NRXN3: variants seen among roughly 807,000 people sequenced by gnomAD.
NRXN3 encodes neurexin 3.
In NRXN3, 32 loss-of-function variants were observed where a neutral mutation model predicts 137.6. The observed-to-expected ratio is 0.23, with a 90% CI of 0.18 to 0.31. NRXN3 has a LOEUF of 0.31. Ranked by LOEUF, NRXN3 falls within the 10% of genes least tolerant of loss-of-function variation. The pLI, the probability that NRXN3 is intolerant of heterozygous loss-of-function variation, is 1.00. For synonymous variants in NRXN3, 798 were observed against 784.5 expected, an observed-to-expected ratio of 1.02 and a Z score of -0.29; for missense variants, 1,574 against 2,062.5, an observed-to-expected ratio of 0.76 and a Z score of 4.59.
chr14:78,368,108 G>A (rs1022383985), intron 4 of NRXN3, among the ~76,000 whole-genome samples: 38 of 152,160 alleles, frequency 2.5e-4, no homozygotes, highest in Admixed American at 1.5e-3. Context: ...GAAAACTACC[G>A]TTTAAAATGC....
chr14:79,795,629 A>G (rs1013753000), intron 19 of NRXN3, among the ~76,000 whole-genome samples: 5 of 152,216 alleles, frequency 3.3e-5, no homozygotes, highest in African/African-American at 1.2e-4. Context: ...GTCCAGTTTC[A>G]AATACCAAAA....
chr14:79,046,730 G>C (rs1053159673), intron 15 of NRXN3, among the ~76,000 whole-genome samples: 3 of 152,166 alleles, frequency 2.0e-5, no homozygotes, highest in Non-Finnish European at 4.4e-5. Flanking sequence ...AAACCTGATA[G>C]TATGTACTAA....
intron 16 of NRXN3, among the ~76,000 whole-genome samples, chr14:79,492,194 T>G (rs1338163827): frequency 6.6e-6 from 1 of 152,168 alleles, no homozygotes; most frequent in African/African-American, 2.4e-5. Flanking sequence ...TAATTAAAAT[T>G]GAAGTTTAAA....
At chr14:78,481,946 A>C (rs2095480193) in intron 4 of NRXN3, among the ~76,000 whole-genome samples, 1 of 152,180 alleles carries the variant, frequency 6.6e-6, no homozygotes, top group South Asian at 2.1e-4. Context: ...CAAGAGCCTG[A>C]ATCACTTGAG....
chr14:78,285,659 C>T (rs2075072875), intron 3 of NRXN3, among the ~76,000 whole-genome samples: 1 of 152,196 alleles, frequency 6.6e-6, no homozygotes. Context: ...CACAGAAAAA[C>T]ACTTCCTGAA....
intron 8 of NRXN3, among the ~76,000 whole-genome samples, chr14:78,751,138 T>A (rs2098639669): frequency 6.6e-6 from 1 of 152,090 alleles, no homozygotes; most frequent in Non-Finnish European, 1.5e-5. Context: ...TTCCCCCCAC[T>A]ATATTCTTTA....
intron 10 of NRXN3, among the ~76,000 whole-genome samples, chr14:78,836,541 G>C (rs574304385): frequency 2.0e-5 from 3 of 152,150 alleles, no homozygotes; most frequent in African/African-American, 7.2e-5. Flanking sequence ...GATGTAGCTC[G>C]TCTGTGGACC....
intron 19 of NRXN3, among the ~76,000 whole-genome samples, chr14:79,726,201 G>T (rs999970905): frequency 2.6e-5 from 4 of 152,128 alleles, no homozygotes. Context: ...TGAAAAGTCA[G>T]TCATGTGACT....
chr14:78,353,655 G>A (rs2083872818), intron 4 of NRXN3, among the ~76,000 whole-genome samples: 1 of 152,158 alleles, frequency 6.6e-6, no homozygotes, highest in Non-Finnish European at 1.5e-5. Context: ...CATTTTAAAT[G>A]TATATCCCTT....
intron 16 of NRXN3, among the ~76,000 whole-genome samples, chr14:79,630,523 G>A (rs574219449): frequency 6.6e-6 from 1 of 152,332 alleles, no homozygotes; most frequent in South Asian, 2.1e-4. Context: ...CTTGAATTAG[G>A]TGAAGACTGA....
chr14:78,937,947 T>C (rs2099345314), intron 10 of NRXN3, among the ~76,000 whole-genome samples: 2 of 152,232 alleles, frequency 1.3e-5, no homozygotes, highest in Non-Finnish European at 2.9e-5. Flanking sequence ...AAGGAATGTG[T>C]GTTTAACATT....
In NRXN3 at chr14:78,774,289, A is replaced by G. The variant is rs1190693738; in HGVS notation, c.2045-29331A>G. On this transcript the variant is annotated intron_variant, in intron 8 of 20. Transcript: ENST00000335750. ...AGTAAATTTTAAGTGGCTGCATAAT[A>G]ATTTATTGTGTATTCACTAATAATA... Among the ~76,000 whole-genome samples, 9 of 152,308 alleles carry G rather than the reference A, an allele frequency of 5.9e-5. No homozygotes were observed. The East Asian group carries it at 1.5e-3, about 26-fold the overall frequency.
At chr14:79,203,563 A>C (rs1466952037) in intron 15 of NRXN3, among the ~76,000 whole-genome samples, 1 of 152,218 alleles carries the variant, frequency 6.6e-6, no homozygotes, top group Non-Finnish European at 1.5e-5. Flanking sequence ...TAGCATGTTT[A>C]TGTCAAGATT....
intron 6 of NRXN3, among the ~76,000 whole-genome samples, chr14:78,681,077 C>T (rs1242836224): frequency 6.6e-6 from 1 of 152,212 alleles, no homozygotes; most frequent in African/African-American, 2.4e-5. Context: ...GATAGAGACA[C>T]TCCATTTGGG....
intron 19 of NRXN3, among the ~76,000 whole-genome samples, chr14:79,804,381 C>A (rs2099195037): frequency 6.6e-6 from 1 of 151,976 alleles, no homozygotes; most frequent in South Asian, 2.1e-4. Flanking sequence ...TAATAGATTC[C>A]CTGGGACTGG....
chr14:79,102,173 A>G (rs2051451591), intron 15 of NRXN3, among the ~76,000 whole-genome samples: 1 of 152,152 alleles, frequency 6.6e-6, no homozygotes, highest in South Asian at 2.1e-4. Context: ...GGCAAACCCT[A>G]GGAATATAAT....
At chr14:79,535,953 TG>T (rs2097207451) in intron 16 of NRXN3, among the ~76,000 whole-genome samples, 1 of 152,146 alleles carries the variant, frequency 6.6e-6, no homozygotes, top group Non-Finnish European at 1.5e-5. Flanking sequence ...GAGAGCCCAG[TG>T]GGATTATAGG....
chr14:79,521,429 G>A (rs2097063300), intron 16 of NRXN3, among the ~76,000 whole-genome samples: 2 of 152,044 alleles, frequency 1.3e-5, no homozygotes, highest in South Asian at 4.1e-4. Context: ...CTCTGGCCAT[G>A]AACAATCTTG....
rs374292635 is a variant in NRXN3, at chr14:78,958,350, T to G, written c.2395+989T>G. 3.7e-3 allele frequency among the ~76,000 whole-genome samples: 550 copies of G among 150,470 alleles called. 1 individual carries two copies. Among genetic ancestry groups the G allele is most frequent in the African/African-American group, 0.013 (522 of 40,864 alleles). On this transcript the variant is annotated intron_variant, in intron 11 of 20. Transcript: ENST00000335750. The stretch of plus-strand genomic sequence containing the variant: ...GCCATTTTACATGCTATATCTTTTT[T>G]TTCTTTCTTTCTTTTTTTTTTTTTT...
Sources: allele counts gnomAD v4.1 joint callset (sites outside exome capture counted in the v4.1 genomes callset), GRCh38; gene constraint gnomAD v4.1.1; transcripts MANE v1.5; gene names NCBI Gene and HGNC (gene_info 2026-07-23, HGNC 2026-07-21).